ACVR1: variants seen among roughly 807,000 people sequenced by gnomAD.
ACVR1 encodes activin A receptor type 1, also known as activin receptor type-1.
ACVR1 carries 38 observed loss-of-function variants against 57.1 expected under a neutral mutation model. The ratio of observed to expected loss-of-function variants is 0.67; its 90% CI spans 0.51 to 0.87. The LOEUF is 0.87. Among genes scored for constraint, ACVR1 ranks in the 40% least tolerant of loss-of-function variants. ACVR1 has a pLI of 0.00. For missense variants in ACVR1, 463 were observed against 638.2 expected, an observed-to-expected ratio of 0.73 and a Z score of 2.96; for synonymous variants, 212 against 228.1, an observed-to-expected ratio of 0.93 and a Z score of 0.63.
At chr2:157,812,207 A>C in intron 2 of ACVR1, among the ~76,000 whole-genome samples, 1 of 152,240 alleles carries the variant, frequency 6.6e-6, no homozygotes, top group Non-Finnish European at 1.5e-5. Context: ...ATGCCACTAA[A>C]AGAAAAACAA....
chr2:157,740,127 A>C (rs1000456125), intron 9 of ACVR1, among the ~76,000 whole-genome samples: 6 of 151,916 alleles, frequency 3.9e-5, no homozygotes, highest in Non-Finnish European at 8.8e-5. Flanking sequence ...GGATGTTGCA[A>C]TGAGCCAAGA....
chr2:157,821,386 G>A (rs1343189720), intron 1 of ACVR1, among the ~76,000 whole-genome samples: 3 of 151,992 alleles, frequency 2.0e-5, no homozygotes, highest in Non-Finnish European at 4.4e-5. Context: ...TTAGCCTGGC[G>A]TGGTGGCAGG....
chr2:157,830,896 A>T (rs980931639), intron 1 of ACVR1, among the ~76,000 whole-genome samples: 1 of 152,204 alleles, frequency 6.6e-6, no homozygotes, highest in African/African-American at 2.4e-5. Flanking sequence ...TAGGAAAAAG[A>T]AGTGTTCTTC....
chr2:157,849,694 T>C (rs1041040965), intron 1 of ACVR1, among the ~76,000 whole-genome samples: 37 of 152,238 alleles, frequency 2.4e-4, no homozygotes, highest in Admixed American at 6.5e-5. Context: ...ATATTTACTT[T>C]ATTTGCAATA....
chr2:157,754,365 T>G (rs557869569), intron 9 of ACVR1, among the ~76,000 whole-genome samples: 1 of 152,136 alleles, frequency 6.6e-6, no homozygotes, highest in South Asian at 2.1e-4. Flanking sequence ...ATTAGCAAGA[T>G]TAACCAAGAA....
At chr2:157,758,142 T>C (rs1685506411) in intron 9 of ACVR1, among the ~76,000 whole-genome samples, 1 of 151,924 alleles carries the variant, frequency 6.6e-6, no homozygotes, top group South Asian at 2.1e-4. Context: ...AAAAAAGATA[T>C]TCCATGCAAA....
At position 157,736,816 on chromosome 2, in the gene ACVR1, C is replaced by A. The variant is rs1684550170; in HGVS notation, c.*715G>T. On this transcript the variant is annotated 3_prime_UTR_variant, in exon 11 of 11. Coordinates refer to ENST00000434821, the MANE Select transcript of ACVR1 (RefSeq NM_001111067.4). ...CATTTCTGTAATAAAATCATAAGAC[C>A]ACATAAAAATAAGCTTTAACATATG... 1 of 343,432 alleles carries A rather than the reference C, an allele frequency of 2.9e-6. No individual in the cohort carries two copies. Among genetic ancestry groups the A allele is most frequent in the South Asian group, 1.4e-4 (1 of 7,270 alleles). 21.3% of individuals were successfully genotyped at this position (343,432 alleles called of 1,614,324 possible). A position where few individuals can be genotyped will look rare whatever the true frequency, so the allele number is the denominator to read the frequency against.
At chr2:157,818,095 T>C (rs1688011782) in intron 2 of ACVR1, among the ~76,000 whole-genome samples, 1 of 151,942 alleles carries the variant, frequency 6.6e-6, no homozygotes, top group South Asian at 2.1e-4. Flanking sequence ...AGGGAAACAC[T>C]GGTAGTATTT....
intron 2 of ACVR1, among the ~76,000 whole-genome samples, chr2:157,804,105 T>C (rs1008463593): frequency 5.9e-5 from 9 of 152,206 alleles, no homozygotes; most frequent in South Asian, 4.2e-4. Context: ...ACACATATCA[T>C]TGGAAGAAGG....
At chr2:157,844,607 T>C (rs1006965152) in intron 1 of ACVR1, among the ~76,000 whole-genome samples, 1 of 152,086 alleles carries the variant, frequency 6.6e-6, no homozygotes, top group Admixed American at 6.5e-5. Context: ...TATTTAAAAA[T>C]AAAAAAATTG....
At chr2:157,798,654 A>G (rs1191797261) in intron 3 of ACVR1, among the ~76,000 whole-genome samples, 3 of 151,592 alleles carry the variant, frequency 2.0e-5, no homozygotes, top group Admixed American at 6.6e-5. Flanking sequence ...CAGCCTCCCA[A>G]GTATCTGGGA....
In ACVR1 at chr2:157,737,352, G is replaced by T; in HGVS notation, c.*179C>A. The T allele has an allele frequency of 1.3e-6, 1 of 740,996 alleles. No homozygotes were observed. Among genetic ancestry groups the T allele is most frequent in the Non-Finnish European group, 2.3e-6 (1 of 431,958 alleles). 45.9% of individuals were successfully genotyped at this position (740,996 alleles called of 1,614,324 possible). A position where few individuals can be genotyped will look rare whatever the true frequency, so the allele number is the denominator to read the frequency against. On this transcript the variant is annotated 3_prime_UTR_variant, in exon 11 of 11. Coordinates refer to ENST00000434821, the MANE Select transcript of ACVR1 (RefSeq NM_001111067.4). ...GCCCAGTTCACAGTCATCGAGCGAGGTTAGGGTGGTTTTGATGTCTCCCCA... is the reference window on the plus strand; with the variant it reads ...GCCCAGTTCACAGTCATCGAGCGAGTTTAGGGTGGTTTTGATGTCTCCCCA...
chr2:157,737,399 C>G lies in ACVR1; in HGVS notation c.*132G>C. On this transcript the variant is annotated 3_prime_UTR_variant, in exon 11 of 11. Coordinates refer to ENST00000434821, the MANE Select transcript of ACVR1 (RefSeq NM_001111067.4). ...CCCAACACATGGCTGGGTACGACGT[C>G]TGCCTTGTCAAAGCAGCCATTTGGG... The G allele has an allele frequency of 8.1e-7, 1 of 1,230,084 alleles. No homozygotes were observed. Among genetic ancestry groups the G allele is most frequent in the Non-Finnish European group, 1.2e-6 (1 of 864,816 alleles). 76.2% of individuals were successfully genotyped at this position (1,230,084 alleles called of 1,614,324 possible).
chr2:157,855,308 G>GTATATA lies in ACVR1; in HGVS notation c.-183+20482_-183+20487dup, dbSNP rs1200907209. On this transcript the variant is annotated intron_variant, in intron 1 of 10. Coordinates refer to ENST00000434821, the MANE Select transcript of ACVR1 (RefSeq NM_001111067.4). ...TGTGTGTGTGTGTGTGTGTGTGTGT[G>GTATATA]TATATATATATATATACACACACAC... Among the ~76,000 whole-genome samples the GTATATA allele has an allele frequency of 3.8e-3, 197 of 51,628 alleles. 3 individuals carry two copies. Among genetic ancestry groups the GTATATA allele is most frequent in the African/African-American group, 8.3e-3 (124 of 14,968 alleles). The allele number at this position is 51,628 out of a possible 152,430, so 33.9% of individuals were successfully genotyped here.
chr2:157,840,217 T>C lies in ACVR1; in HGVS notation c.-182-21658A>G, dbSNP rs373214435. ...GGAAATAACAGGGCTCTAGGGACAC[T>C]GCTTGAGCCCTGAGTCAACCCAGAT... On this transcript the variant is annotated intron_variant, in intron 1 of 10. Transcript: ENST00000434821. 3.5e-4 allele frequency among the ~76,000 whole-genome samples: 53 copies of C among 152,340 alleles called. No individual in the cohort carries two copies. In the East Asian group the frequency reaches 7.7e-3, roughly 22 times the overall value.
intron 1 of ACVR1, chr2:157,874,801 T>C (rs954208125): frequency 1.3e-5 from 2 of 152,190 alleles, no homozygotes; most frequent in African/African-American, 4.8e-5. Flanking sequence ...CATCTAACTC[T>C]TATCATACAT....
At chr2:157,803,849 A>G (rs1168302498) in intron 2 of ACVR1, among the ~76,000 whole-genome samples, 1 of 152,120 alleles carries the variant, frequency 6.6e-6, no homozygotes, top group African/African-American at 2.4e-5. Flanking sequence ...AGTGTTAAAA[A>G]TTTAAACAGA....
At chr2:157,851,569 A>G (rs1380615349) in intron 1 of ACVR1, among the ~76,000 whole-genome samples, 2 of 152,290 alleles carry the variant, frequency 1.3e-5, no homozygotes, top group East Asian at 3.9e-4. Context: ...AAATACTATT[A>G]TACTCTATAT....
At chr2:157,843,583 C>T (rs1022993520) in intron 1 of ACVR1, among the ~76,000 whole-genome samples, 1 of 152,160 alleles carries the variant, frequency 6.6e-6, no homozygotes. Flanking sequence ...GAATGAGATT[C>T]AAACCCACAC....
Sources: allele counts gnomAD v4.1 joint callset (sites outside exome capture counted in the v4.1 genomes callset), GRCh38; gene constraint gnomAD v4.1.1; transcripts MANE v1.5; gene names NCBI Gene and HGNC (gene_info 2026-07-23, HGNC 2026-07-21).